Variants in RIT2 observed in about 807,000 individuals in gnomAD.
The protein encoded by RIT2 is Ras like without CAAX 2, also known as GTP-binding protein Rit2.
In RIT2, 24 loss-of-function variants were observed where a neutral mutation model predicts 23.7. That is an observed-to-expected ratio of 1.01 (90% confidence interval 0.73 to 1.43). The LOEUF is 1.43. Ranked by LOEUF, RIT2 falls within the 40% of genes most tolerant of loss-of-function variation. The pLI, the probability that RIT2 is intolerant of heterozygous loss-of-function variation, is 0.00. For synonymous variants in RIT2, 107 were observed against 91.1 expected, an observed-to-expected ratio of 1.17 and a Z score of -0.99; for missense variants, 236 against 266.9, an observed-to-expected ratio of 0.88 and a Z score of 0.81.
At chr18:42,760,139 C>T (rs1457491010) in intron 4 of RIT2, among the ~76,000 whole-genome samples, 1 of 152,158 alleles carries the variant, frequency 6.6e-6, no homozygotes, top group African/African-American at 2.4e-5. Flanking sequence ...CTCCAAGTCT[C>T]CATCCCCTTG....
chr18:43,110,629 G>A (rs1913931479), intron 1 of RIT2, among the ~76,000 whole-genome samples: 2 of 151,972 alleles, frequency 1.3e-5, no homozygotes, highest in South Asian at 2.1e-4. Flanking sequence ...TGAGATAGAA[G>A]GCTAAAAGAA....
chr18:42,750,331 C>T (rs956207629), intron 4 of RIT2, among the ~76,000 whole-genome samples: 2 of 151,758 alleles, frequency 1.3e-5, no homozygotes, highest in East Asian at 1.9e-4. Flanking sequence ...GTTTTCTGGG[C>T]ACCTTTAATA....
At chr18:42,840,987 A>G (rs1397984722) in intron 4 of RIT2, among the ~76,000 whole-genome samples, 6 of 152,214 alleles carry the variant, frequency 3.9e-5, no homozygotes, top group African/African-American at 1.4e-4. Flanking sequence ...TCCACAGTGG[A>G]ATTTGCACAA....
intron 2 of RIT2, among the ~76,000 whole-genome samples, chr18:43,014,562 C>G (rs540048930): frequency 6.5e-4 from 97 of 150,114 alleles, no homozygotes; most frequent in Middle Eastern, 3.4e-3. Context: ...AAGATGGAGG[C>G]CTTTACTCCT....
At chr18:43,062,691 T>C (rs1912676275) in intron 1 of RIT2, among the ~76,000 whole-genome samples, 1 of 152,126 alleles carries the variant, frequency 6.6e-6, no homozygotes, top group Non-Finnish European at 1.5e-5. Flanking sequence ...AGAACAGAGC[T>C]GGGAAAAGTT....
intron 1 of RIT2, among the ~76,000 whole-genome samples, chr18:43,105,635 A>G (rs543680299): frequency 7.2e-5 from 11 of 152,318 alleles, no homozygotes; most frequent in Middle Eastern, 3.4e-3. Context: ...TAAAGCCCTT[A>G]ATGAGGAAAA....
intron 1 of RIT2, among the ~76,000 whole-genome samples, chr18:43,090,202 T>C (rs773250712): frequency 7.9e-5 from 12 of 152,050 alleles, no homozygotes; most frequent in Non-Finnish European, 1.6e-4. Flanking sequence ...CATTAAAAAG[T>C]GGGCAAAGGA....
intron 4 of RIT2, among the ~76,000 whole-genome samples, chr18:42,897,607 G>A (rs931717087): frequency 9.2e-5 from 14 of 152,186 alleles, no homozygotes; most frequent in Admixed American, 7.2e-4. Context: ...TGTACAGTAT[G>A]CCTATGGTAT....
chr18:43,066,124 T>C (rs1191089490), intron 1 of RIT2, among the ~76,000 whole-genome samples: 2 of 152,180 alleles, frequency 1.3e-5, no homozygotes, highest in Non-Finnish European at 2.9e-5. Flanking sequence ...ATCTGGAATT[T>C]AAGCTAATTC....
At chr18:42,906,693 A>T (rs1362436995) in intron 4 of RIT2, among the ~76,000 whole-genome samples, 1 of 152,234 alleles carries the variant, frequency 6.6e-6, no homozygotes, top group African/African-American at 2.4e-5. Flanking sequence ...GATTGGAAAC[A>T]AATGACATAC....
At chr18:43,069,381 C>T (rs766598358) in intron 1 of RIT2, among the ~76,000 whole-genome samples, 3 of 152,112 alleles carry the variant, frequency 2.0e-5, no homozygotes, top group Admixed American at 1.3e-4. Flanking sequence ...TTCTTTCTTG[C>T]GTGAGATCCA....
intron 2 of RIT2, among the ~76,000 whole-genome samples, chr18:42,980,778 T>A (rs1164220895): frequency 2.0e-5 from 3 of 152,052 alleles, no homozygotes; most frequent in Non-Finnish European, 4.4e-5. Flanking sequence ...GGACCACTAC[T>A]GGAAGATGTC....
intron 1 of RIT2, among the ~76,000 whole-genome samples, chr18:43,077,960 C>T (rs1050235123): frequency 6.6e-6 from 1 of 152,024 alleles, no homozygotes; most frequent in Admixed American, 6.6e-5. Context: ...TTAATATTGC[C>T]ATCATATTCT....
intron 2 of RIT2, among the ~76,000 whole-genome samples, chr18:42,988,171 CATA>C (rs756869688): frequency 2.0e-5 from 3 of 151,888 alleles, no homozygotes; most frequent in Non-Finnish European, 4.4e-5. Context: ...ATCTTAGAAA[CATA>C]ATGTTGAGTG....
At chr18:42,813,488 T>G (rs535746358) in intron 4 of RIT2, among the ~76,000 whole-genome samples, 1 of 152,208 alleles carries the variant, frequency 6.6e-6, no homozygotes, top group South Asian at 2.1e-4. Flanking sequence ...ATATAAAAAT[T>G]AGGAAAATAA....
At chr18:42,816,611 A>T (rs768154074) in intron 4 of RIT2, among the ~76,000 whole-genome samples, 1 of 151,992 alleles carries the variant, frequency 6.6e-6, no homozygotes, top group Non-Finnish European at 1.5e-5. Context: ...GTTCCCAAGA[A>T]CTCTTCCTAT....
At chr18:42,824,978 C>A (rs1249410708) in intron 4 of RIT2, among the ~76,000 whole-genome samples, 1 of 151,876 alleles carries the variant, frequency 6.6e-6, no homozygotes, top group African/African-American at 2.4e-5. Context: ...TTAGATTGGA[C>A]CATTCCCATC....
intron 2 of RIT2, among the ~76,000 whole-genome samples, chr18:42,985,407 A>G (rs1288739901): frequency 6.6e-6 from 1 of 152,122 alleles, no homozygotes; most frequent in Non-Finnish European, 1.5e-5. Flanking sequence ...GTGATGCACC[A>G]ACTGATTCTA....
intron 4 of RIT2, among the ~76,000 whole-genome samples, chr18:42,868,166 A>G (rs1306826036): frequency 1.3e-5 from 2 of 152,180 alleles, no homozygotes; most frequent in African/African-American, 4.8e-5. Flanking sequence ...TTTTCCACAC[A>G]TTCTTTTTTA....
Sources: allele counts gnomAD v4.1 joint callset (sites outside exome capture counted in the v4.1 genomes callset), GRCh38; gene constraint gnomAD v4.1.1; transcripts MANE v1.5; gene names NCBI Gene and HGNC (gene_info 2026-07-23, HGNC 2026-07-21).